The following LRRFIP1 variants were observed in gnomAD, a reference collection of about 807,000 sequenced individuals.
The protein encoded by LRRFIP1 is LRR binding FLII interacting protein 1, also known as leucine-rich repeat flightless-interacting protein 1.
A neutral mutation model predicts 104.4 loss-of-function variants in LRRFIP1; 62 were observed. The observed-to-expected ratio is 0.59, with a 90% confidence interval of 0.48 to 0.73. LRRFIP1 has a LOEUF of 0.73. LRRFIP1 is among the 30% of genes least tolerant of loss of function. The probability of loss-of-function intolerance (pLI) is 0.00; values close to 1 mark genes in which losing one functional copy is unlikely to be tolerated. For synonymous variants in LRRFIP1, 300 were observed against 299.0 expected, an observed-to-expected ratio of 1.00 and a Z score of -0.03; for missense variants, 796 against 824.5, an observed-to-expected ratio of 0.97 and a Z score of 0.42.
At chr2:237,741,826 TA>T (rs1017777935) in intron 11 of LRRFIP1, among the ~76,000 whole-genome samples, 21 of 142,162 alleles carry the variant, frequency 1.5e-4, no homozygotes, top group African/African-American at 1.0e-4. Context: ...AGGCTCCGTC[TA>T]AAAAAAAAAG....
intron 5 of LRRFIP1, among the ~76,000 whole-genome samples, chr2:237,720,357 C>T (rs1370858913): frequency 2.0e-5 from 3 of 152,126 alleles, no homozygotes; most frequent in Admixed American, 6.6e-5. Flanking sequence ...AAGTGATTCT[C>T]ATGCCTCAGC....
At chr2:237,749,823 T>C (rs183195813) in intron 13 of LRRFIP1, among the ~76,000 whole-genome samples, 5 of 152,264 alleles carry the variant, frequency 3.3e-5, no homozygotes, top group Non-Finnish European at 1.5e-5. Flanking sequence ...TTTATCCCAC[T>C]GTAGTGTAGG....
rs750426150 is a variant in LRRFIP1, at chr2:237,774,407, A to C, written c.1757A>C (p.Asn586Thr). 2 of 1,613,838 alleles carry C rather than the reference A, an allele frequency of 1.2e-6. No homozygotes were observed. Among genetic ancestry groups the C allele is most frequent in the Admixed American group, 1.7e-5 (1 of 60,004 alleles). ...QVSRYKSAAE[N>T]AEKIEDELKA... Reference sequence around the variant, plus strand: ...TCACGTTACAAATCAGCGGCTGAAAATGCAGAAAAAATAGAAGATGAACTT... The same window carrying C: ...TCACGTTACAAATCAGCGGCTGAAACTGCAGAAAAAATAGAAGATGAACTT... Residue 586 changes from asparagine to threonine, a missense_variant, in exon 23 of 24, where the codon AAT becomes ACT. Asn to Thr is a moderately conservative substitution (Grantham distance 65, BLOSUM62 0). Coordinates refer to ENST00000308482, the MANE Select transcript of LRRFIP1 (RefSeq NM_001137550.2).
At chr2:237,688,108 AT>A (rs2092509970) in intron 1 of LRRFIP1, among the ~76,000 whole-genome samples, 1 of 152,274 alleles carries the variant, frequency 6.6e-6, no homozygotes, top group Admixed American at 6.5e-5. Context: ...CAGACATGTA[AT>A]TTTCATTGAG....
intron 1 of LRRFIP1, among the ~76,000 whole-genome samples, chr2:237,686,395 T>C (rs1173273104): frequency 6.6e-6 from 1 of 152,252 alleles, no homozygotes; most frequent in Non-Finnish European, 1.5e-5. Flanking sequence ...AGAGTTTCTA[T>C]TCCCAATTGC....
chr2:237,649,297 G>A lies in LRRFIP1; in HGVS notation c.96+21557G>A, dbSNP rs190496193. Among the ~76,000 whole-genome samples the A allele has an allele frequency of 1.3e-5, 2 of 151,984 alleles. 1 individual carries two copies. The highest frequency in any genetic ancestry group is 2.9e-5 in the Non-Finnish European group (2 of 67,894). On this transcript the variant is annotated intron_variant, in intron 1 of 23. Transcript: ENST00000308482. The surrounding 1 kb of genome is among the most constrained non-coding windows in gnomAD (Gnocchi z 4.1). ...GTAATCCCAGCACTTTGGGAGGCCA[G>A]GGCGGGCAGATAACTTGAGGTCAGG...
chr2:237,738,825 G>C (rs12624154), intron 10 of LRRFIP1, among the ~76,000 whole-genome samples: 43,981 of 152,116 alleles, frequency 0.29, 7,200 homozygotes, highest in African/African-American at 0.45. Flanking sequence ...CAAAATTTTT[G>C]TTCCCTTGCT....
At chr2:237,765,120 G>A (rs1289135393) in intron 19 of LRRFIP1, 11 of 295,794 alleles carry the variant, frequency 3.7e-5, no homozygotes, top group African/African-American at 1.1e-4. Flanking sequence ...AAAATTGGCC[G>A]GGCGTGATGG....
chr2:237,779,619 T>C lies in LRRFIP1; in HGVS notation c.*87T>C. 8.7e-7 allele frequency: 1 copy of C among 1,154,744 alleles called. No individual in the cohort carries two copies. 71.5% of individuals were successfully genotyped at this position (1,154,744 alleles called of 1,614,324 possible). On this transcript the variant is annotated 3_prime_UTR_variant, in exon 24 of 24. Transcript: ENST00000308482. ...CTGTCCTATCTGGGAGCGCTGCTTCTTCCCCTGCCTTCCGAGAGACGAAGA... is the reference window on the plus strand; with the variant it reads ...CTGTCCTATCTGGGAGCGCTGCTTCCTCCCCTGCCTTCCGAGAGACGAAGA...
intron 1 of LRRFIP1, among the ~76,000 whole-genome samples, chr2:237,642,471 G>A (rs1420607618): frequency 6.7e-6 from 1 of 149,794 alleles, no homozygotes; most frequent in Non-Finnish European, 1.5e-5. Flanking sequence ...TCCAGGCTGA[G>A]GGTTTCAGGT....
At chr2:237,753,790 C>CA (rs749198309) in intron 15 of LRRFIP1, among the ~76,000 whole-genome samples, 2,796 of 74,256 alleles carry the variant, frequency 0.038, 137 homozygotes, top group African/African-American at 0.1. Context: ...GACACTGTCT[C>CA]AAAAAAAAAA....
intron 1 of LRRFIP1, among the ~76,000 whole-genome samples, chr2:237,690,726 G>A (rs2092698708): frequency 7.4e-6 from 1 of 135,996 alleles, no homozygotes; most frequent in Admixed American, 7.2e-5. Flanking sequence ...GACAGAGCGA[G>A]ACTCCATCTC....
chr2:237,676,922 A>T (rs1018701672), intron 1 of LRRFIP1, among the ~76,000 whole-genome samples: 2 of 152,218 alleles, frequency 1.3e-5, no homozygotes, highest in African/African-American at 2.4e-5. Context: ...GATTCGCACC[A>T]TCTGGCTCCT....
chr2:237,737,898 A>G (rs2095301115), intron 10 of LRRFIP1, among the ~76,000 whole-genome samples: 1 of 152,214 alleles, frequency 6.6e-6, no homozygotes, highest in South Asian at 2.1e-4. Flanking sequence ...AATAAAATAG[A>G]GGTGGATGGG....
intron 1 of LRRFIP1, among the ~76,000 whole-genome samples, chr2:237,688,617 C>T (rs1055902112): frequency 6.6e-6 from 1 of 152,060 alleles, no homozygotes; most frequent in Admixed American, 6.6e-5. Context: ...CACCACCACA[C>T]CCAGCTAACT....
chr2:237,754,551 T>C (rs2059042252), intron 15 of LRRFIP1, among the ~76,000 whole-genome samples: 1 of 150,970 alleles, frequency 6.6e-6, no homozygotes, highest in African/African-American at 2.5e-5. Context: ...AAACAGAAAA[T>C]GTAATGTGTG....
chr2:237,750,694 G>C (rs2058514142), intron 13 of LRRFIP1, among the ~76,000 whole-genome samples: 1 of 152,104 alleles, frequency 6.6e-6, no homozygotes, highest in African/African-American at 2.4e-5. Context: ...ATGTTTCTCT[G>C]CCCTTAGGTT....
At chr2:237,683,159 A>G (rs2092015554) in intron 1 of LRRFIP1, among the ~76,000 whole-genome samples, 1 of 152,220 alleles carries the variant, frequency 6.6e-6, no homozygotes, top group Admixed American at 6.5e-5. Context: ...TTTCCCAAAA[A>G]GCCCGACAGC....
chr2:237,738,676 A>G (rs181703764), intron 10 of LRRFIP1, among the ~76,000 whole-genome samples: 20 of 152,358 alleles, frequency 1.3e-4, no homozygotes, highest in African/African-American at 4.1e-4. Flanking sequence ...GAAGTGAGAA[A>G]GTTCAGGTAA....
Sources: allele counts gnomAD v4.1 joint callset (sites outside exome capture counted in the v4.1 genomes callset), GRCh38; gene constraint gnomAD v4.1.1; non-coding constraint Gnocchi (gnomAD v3.1); transcripts MANE v1.5; gene names NCBI Gene and HGNC (gene_info 2026-07-23, HGNC 2026-07-21).